The following AVL9 variants were observed in gnomAD, a reference collection of about 807,000 sequenced individuals.
AVL9 encodes AVL9 cell migration associated.
Under a neutral mutation model 79.2 loss-of-function variants are expected in AVL9, and 49 were observed. That is an observed-to-expected ratio of 0.62 (90% CI 0.49 to 0.79). AVL9 has a LOEUF of 0.79. Ranked by LOEUF, AVL9 falls within the 30% of genes least tolerant of loss-of-function variation. The pLI is 0.00. For missense variants in AVL9, 682 were observed against 776.8 expected, an observed-to-expected ratio of 0.88 and a Z score of 1.45; for synonymous variants, 299 against 280.6, an observed-to-expected ratio of 1.07 and a Z score of -0.65.
At chr7:32,508,892 G>A (rs1787530999) in intron 1 of AVL9, among the ~76,000 whole-genome samples, 1 of 152,114 alleles carries the variant, frequency 6.6e-6, no homozygotes, top group Non-Finnish European at 1.5e-5. Context: ...TTTGATACCT[G>A]GTAAAGAAGA....
intron 1 of AVL9, among the ~76,000 whole-genome samples, chr7:32,523,481 A>G (rs894184554): frequency 2.0e-5 from 3 of 149,614 alleles, no homozygotes; most frequent in African/African-American, 4.9e-5. Context: ...CATTAAAAAC[A>G]TACATGTTAA....
chr7:32,516,875 T>G (rs1214131140), intron 1 of AVL9, among the ~76,000 whole-genome samples: 1 of 152,042 alleles, frequency 6.6e-6, no homozygotes, highest in African/African-American at 2.4e-5. Flanking sequence ...TTGCAAGTGT[T>G]TGTGTAAAAT....
intron 10 of AVL9, chr7:32,559,953 T>C (rs1418653324): frequency 6.6e-6 from 1 of 152,262 alleles, no homozygotes; most frequent in Non-Finnish European, 1.5e-5. Flanking sequence ...TTTTTTTTAA[T>C]GTACATATCT....
intron 1 of AVL9, among the ~76,000 whole-genome samples, chr7:32,520,945 A>T (rs542698648): frequency 6.6e-6 from 1 of 152,222 alleles, no homozygotes; most frequent in African/African-American, 2.4e-5. Context: ...TATTCTCGTG[A>T]TAGTGAATAA....
intron 1 of AVL9, among the ~76,000 whole-genome samples, chr7:32,514,590 C>CCGGT (rs973727194): frequency 3.3e-5 from 5 of 152,168 alleles, no homozygotes; most frequent in Non-Finnish European, 7.3e-5. Context: ...GTGTAAATGG[C>CCGGT]CGGTCCTTGC....
chr7:32,574,131 T>C (rs1318471023), intron 12 of AVL9, among the ~76,000 whole-genome samples: 1 of 152,234 alleles, frequency 6.6e-6, no homozygotes, highest in Non-Finnish European at 1.5e-5. Flanking sequence ...ATTTTTTTAA[T>C]TGTGATGAAA....
chr7:32,544,683 G>T lies in AVL9; in HGVS notation c.215-11G>T. ...CACCTCACTATTTACATTTTTCTAT[G>T]TATCTCTTAGATACTGTGTTTTTTC... is the stretch of plus-strand genomic sequence containing the variant. On this transcript the variant is annotated splice_polypyrimidine_tract_variant and intron_variant, in intron 2 of 15. Transcript: ENST00000318709. 1 of 1,598,054 alleles carries T rather than the reference G, an allele frequency of 6.3e-7. No homozygotes were observed. Among genetic ancestry groups the T allele is most frequent in the Middle Eastern group, 1.7e-4 (1 of 6,026 alleles).
chr7:32,570,278 A>T, intron 11 of AVL9, 124 bp downstream of exon 11: 1 of 1,283,806 alleles, frequency 7.8e-7, no homozygotes, highest in Non-Finnish European at 1.1e-6. Context: ...TATGCCATGT[A>T]TTCTAAGTAT....
At chr7:32,538,521 T>C (rs1789023449) in intron 1 of AVL9, 1 of 152,100 alleles carries the variant, frequency 6.6e-6, no homozygotes, top group Non-Finnish European at 1.5e-5. Flanking sequence ...TTGTTCATAT[T>C]CTTTTAACTT....
chr7:32,559,592 A>AT (rs34973430), intron 10 of AVL9, 128 bp downstream of exon 10: 724,239 of 877,364 alleles, frequency 0.83, 299,418 homozygotes, highest in Admixed American at 0.88. Flanking sequence ...TGTAAAGTAC[A>AT]ACCAAATACA....
intron 1 of AVL9, among the ~76,000 whole-genome samples, chr7:32,511,547 T>C (rs1322879367): frequency 1.3e-5 from 2 of 151,842 alleles, no homozygotes; most frequent in Non-Finnish European, 2.9e-5. Context: ...CAAGAGGGTC[T>C]ATGAGGAGGG....
chr7:32,557,249 C>T (rs1000223640), intron 8 of AVL9, among the ~76,000 whole-genome samples: 8 of 151,854 alleles, frequency 5.3e-5, no homozygotes, highest in South Asian at 2.1e-4. Flanking sequence ...GATAGGGTCT[C>T]GCTGTGTTGC....
chr7:32,568,100 A>G (rs1790662413), intron 10 of AVL9, among the ~76,000 whole-genome samples: 1 of 151,318 alleles, frequency 6.6e-6, no homozygotes. Flanking sequence ...CCTGGACTCA[A>G]GCAGGCCTCC....
chr7:32,530,089 G>T (rs948362803), intron 1 of AVL9, among the ~76,000 whole-genome samples: 13 of 152,186 alleles, frequency 8.5e-5, no homozygotes, highest in Non-Finnish European at 1.6e-4. Flanking sequence ...TATTTTAAAA[G>T]ATTTTTTTTA....
chr7:32,551,540 G>A, intron 5 of AVL9, 117 bp downstream of exon 5: 1 of 442,350 alleles, frequency 2.3e-6, no homozygotes, highest in Non-Finnish European at 3.9e-6. Context: ...ATTCTAATGT[G>A]AAAACGCATT....
At chr7:32,530,669 C>T (rs1002919568) in intron 1 of AVL9, among the ~76,000 whole-genome samples, 4 of 152,138 alleles carry the variant, frequency 2.6e-5, no homozygotes, top group African/African-American at 9.7e-5. Flanking sequence ...TTTATTTGGC[C>T]AGGCACGGTG....
intron 14 of AVL9, 94 bp downstream of exon 14, chr7:32,580,366 T>C: frequency 1.0e-6 from 1 of 989,954 alleles, no homozygotes; most frequent in Non-Finnish European, 1.6e-6. Context: ...CTCTACTTGA[T>C]AGACTTATGC....
At chr7:32,558,655 TC>T (rs1195328435) in intron 9 of AVL9, 27 bp downstream of exon 9, 1 of 1,559,476 alleles carries the variant, frequency 6.4e-7, no homozygotes, top group East Asian at 2.3e-5. Flanking sequence ...ATCTACTCTT[TC>T]TTTTGTTTAA....
chr7:32,516,766 T>TAAAAA (rs33970150), intron 1 of AVL9, among the ~76,000 whole-genome samples: 3 of 134,378 alleles, frequency 2.2e-5, no homozygotes, highest in African/African-American at 2.8e-5. Flanking sequence ...CCTAGGCCTT[T>TAAAAA]AAAAAAAAAA....
Sources: allele counts gnomAD v4.1 joint callset (sites outside exome capture counted in the v4.1 genomes callset), GRCh38; gene constraint gnomAD v4.1.1; transcripts MANE v1.5; gene names NCBI Gene and HGNC (gene_info 2026-07-23, HGNC 2026-07-21).